The following AOPEP variants were observed in gnomAD, a reference collection of about 807,000 sequenced individuals.
AOPEP encodes aminopeptidase O.
A neutral mutation model predicts 98.1 loss-of-function variants in AOPEP; 77 were observed. The observed-to-expected ratio is 0.78, with a 90% CI of 0.65 to 0.95. The LOEUF (loss-of-function observed/expected upper bound fraction) is 0.95, where lower values mean the gene tolerates loss of function less well. Among genes scored for constraint, AOPEP ranks in the 40% least tolerant of loss-of-function variants. The pLI, the probability that AOPEP is intolerant of heterozygous loss-of-function variation, is 0.00. For synonymous variants in AOPEP, 346 were observed against 365.3 expected (o/e 0.95, Z 0.60); for missense variants, 1,024 against 1,024.7 (o/e 1.00, Z 0.01).
chr9:94,960,371 A>G (rs1255894304), intron 9 of AOPEP, among the ~76,000 whole-genome samples: 1 of 151,660 alleles, frequency 6.6e-6, no homozygotes, highest in Non-Finnish European at 1.5e-5. Context: ...AGATCACGCC[A>G]CTGCACTCCA....
chr9:94,802,916 T>C (rs1297904281), intron 5 of AOPEP, among the ~76,000 whole-genome samples: 1 of 152,138 alleles, frequency 6.6e-6, no homozygotes, highest in East Asian at 1.9e-4. Flanking sequence ...CTGGCTTCAA[T>C]TGATTCTGCT....
intron 10 of AOPEP, among the ~76,000 whole-genome samples, chr9:94,970,814 G>C (rs1351025141): frequency 6.6e-6 from 1 of 150,982 alleles, no homozygotes; most frequent in East Asian, 1.9e-4. Context: ...CCTTTTCTTC[G>C]TACCTACCCC....
At chr9:94,839,059 C>T (rs112182749) in intron 5 of AOPEP, among the ~76,000 whole-genome samples, 47 of 148,298 alleles carry the variant, frequency 3.2e-4, no homozygotes, top group African/African-American at 9.7e-4. Flanking sequence ...TACAGGCGTG[C>T]GCCACCACAC....
At chr9:94,928,584 A>G (rs1223250753) in intron 7 of AOPEP, 53 bp downstream of exon 7, 1 of 1,286,124 alleles carries the variant, frequency 7.8e-7, no homozygotes, top group South Asian at 1.3e-5. Flanking sequence ...TCTTTCCTTC[A>G]AGACACCTCC....
the AOPEP span, chr9:95,111,646 G>C: frequency 6.2e-7 from 1 of 1,614,148 alleles, no homozygotes; most frequent in African/African-American, 1.3e-5. Context: ...ACCTGGAACA[G>C]AGGCAGAACA....
At chr9:95,075,452 A>G (rs2068948445) in intron 14 of AOPEP, among the ~76,000 whole-genome samples, 1 of 152,228 alleles carries the variant, frequency 6.6e-6, no homozygotes, top group Non-Finnish European at 1.5e-5. Context: ...AAAAAGCTGC[A>G]GTTTCATCAA....
At chr9:94,929,856 C>A (rs972476229) in intron 7 of AOPEP, among the ~76,000 whole-genome samples, 2 of 152,220 alleles carry the variant, frequency 1.3e-5, no homozygotes, top group Admixed American at 1.3e-4. Flanking sequence ...TGGGGAATTT[C>A]TCTCTGAAAA....
intron 3 of AOPEP, among the ~76,000 whole-genome samples, chr9:94,779,867 CACAGCATGCTGTG>C (rs1842909052): frequency 6.6e-6 from 1 of 152,144 alleles, no homozygotes; most frequent in Non-Finnish European, 1.5e-5. Context: ...CTTTTGTTTA[CACAGCATGCTGTG>C]ATATCGTTTG....
At chr9:94,981,918 G>A (rs1231623685) in intron 11 of AOPEP, among the ~76,000 whole-genome samples, 2 of 152,138 alleles carry the variant, frequency 1.3e-5, no homozygotes, top group East Asian at 3.8e-4. Flanking sequence ...CTTGCCTTGT[G>A]GTTGGCCTCG....
intron 13 of AOPEP, among the ~76,000 whole-genome samples, chr9:95,026,129 C>T (rs1055176884): frequency 6.6e-6 from 1 of 152,192 alleles, no homozygotes; most frequent in South Asian, 2.1e-4. Flanking sequence ...AAGAGAAAAC[C>T]GGAATATAGA....
In AOPEP at chr9:94,866,771, T is replaced by TG. The variant is rs2045748891; in HGVS notation, c.1365-57214dup. ...GGTTTTACAAATAAAGCTTATTGGT[T>TG]GATTAAAAATACAGCCAGCATCAAT... On this transcript the variant is annotated intron_variant, in intron 5 of 16. Coordinates refer to ENST00000375315, the MANE Select transcript of AOPEP (RefSeq NM_001193329.3). Among the ~76,000 whole-genome samples, 3 of 152,350 alleles carry TG rather than the reference T, an allele frequency of 2.0e-5. No homozygotes were observed. In the South Asian group the frequency reaches 6.2e-4, roughly 32 times the overall value.
intron 7 of AOPEP, among the ~76,000 whole-genome samples, chr9:94,929,178 C>T (rs762943126): frequency 3.0e-4 from 46 of 152,340 alleles, no homozygotes; most frequent in Middle Eastern, 3.4e-3. Flanking sequence ...GCTATGGCAA[C>T]AGGAGGTTCC....
intron 1 of AOPEP, among the ~76,000 whole-genome samples, chr9:94,744,391 T>TCAACAA (rs951112813): frequency 2.7e-5 from 4 of 150,788 alleles, no homozygotes; most frequent in Non-Finnish European, 4.4e-5. Context: ...AGACTCTGTC[T>TCAACAA]CAACAACAAC....
At chr9:95,005,093 G>C in intron 11 of AOPEP, 65 bp from the exon 12 acceptor site, 1 of 841,172 alleles carries the variant, frequency 1.2e-6, no homozygotes, top group Non-Finnish European at 1.5e-6. Context: ...CGAGTTAGCG[G>C]GCGCGGGGCA....
chr9:94,737,989 C>G (rs925570742), intron 1 of AOPEP, among the ~76,000 whole-genome samples: 2 of 152,184 alleles, frequency 1.3e-5, no homozygotes, highest in Non-Finnish European at 2.9e-5. Context: ...CCAGGGGAAT[C>G]TCACTTCTGC....
intron 11 of AOPEP, among the ~76,000 whole-genome samples, chr9:94,996,350 CTGTGTGTG>C (rs10608161): frequency 3.2e-3 from 450 of 141,868 alleles, no homozygotes; most frequent in South Asian, 8.0e-3. Context: ...TTACTTGCCT[CTGTGTGTG>C]TGTGTGTGTG....
the AOPEP span, among the ~76,000 whole-genome samples, chr9:95,138,502 A>T: frequency 6.6e-6 from 1 of 152,200 alleles, no homozygotes; most frequent in Non-Finnish European, 1.5e-5. Flanking sequence ...GGAAGCTCTG[A>T]ATAGGAGAGT....
chr9:94,924,847 C>A (rs1451967211), intron 6 of AOPEP, among the ~76,000 whole-genome samples: 1 of 152,176 alleles, frequency 6.6e-6, no homozygotes, highest in Non-Finnish European at 1.5e-5. Flanking sequence ...TTAAAAAATA[C>A]CACGCAAGAC....
intron 9 of AOPEP, among the ~76,000 whole-genome samples, chr9:94,965,318 C>T (rs915881312): frequency 6.6e-6 from 1 of 152,072 alleles, no homozygotes; most frequent in African/African-American, 2.4e-5. Context: ...TGTTATTTCA[C>T]GTCAAACAGC....
Sources: allele counts gnomAD v4.1 joint callset (sites outside exome capture counted in the v4.1 genomes callset), GRCh38; gene constraint gnomAD v4.1.1; transcripts MANE v1.5; gene names NCBI Gene and HGNC (gene_info 2026-07-23, HGNC 2026-07-21).